Variants in BCOR observed in about 807,000 individuals in gnomAD.
BCOR encodes the protein BCL-6 corepressor.
BCOR carries 10 observed loss-of-function variants against 86.7 expected under a neutral mutation model. The ratio of observed to expected loss-of-function variants is 0.12; its 90% CI spans 0.07 to 0.20. The LOEUF (loss-of-function observed/expected upper bound fraction) is 0.20. Ranked by LOEUF, BCOR falls within the 10% of genes least tolerant of loss-of-function variation. The pLI is 1.00. For synonymous variants in BCOR, 611 were observed against 609.0 expected, an observed-to-expected ratio of 1.00 and a Z score of -0.05; for missense variants, 1,259 against 1,452.1, an observed-to-expected ratio of 0.87 and a Z score of 2.16.
At chrX:40,159,440 A>G (rs1419834935) in intron 1 of BCOR, among the ~76,000 whole-genome samples, 2 of 112,989 alleles carry the variant, frequency 1.8e-5, no homozygotes, top group Non-Finnish European at 3.8e-5. Flanking sequence ...TCTGGCTCCC[A>G]GGTTCACGCC....
At chrX:40,167,724 G>C (rs1938531981) in intron 1 of BCOR, among the ~76,000 whole-genome samples, 1 of 111,469 alleles carries the variant, frequency 9.0e-6, no homozygotes, top group Non-Finnish European at 1.9e-5. Context: ...TGGGCGCATT[G>C]TCTCTGCGGC....
chrX:40,102,245 C>G (rs1305830802), upstream of BCOR, among the ~76,000 whole-genome samples: 2 of 112,984 alleles, frequency 1.8e-5, no homozygotes, highest in Admixed American at 9.3e-5. Context: ...AGGGCAGCCT[C>G]TCCGTGGTTC....
At chrX:40,084,693 C>A (rs192905341) in intron 1 of BCOR, among the ~76,000 whole-genome samples, 17 of 105,056 alleles carry the variant, frequency 1.6e-4, no homozygotes, top group African/African-American at 6.5e-4. Flanking sequence ...ACACAAACGC[C>A]GTCGCCGCCA....
At chrX:40,144,418 C>A (rs1937995054) in intron 1 of BCOR, among the ~76,000 whole-genome samples, 1 of 111,590 alleles carries the variant, frequency 9.0e-6, no homozygotes, top group African/African-American at 3.3e-5. Context: ...AAATGACAAA[C>A]GCCAAAAAAC....
intron 1 of BCOR, among the ~76,000 whole-genome samples, chrX:40,145,871 G>C (rs369142588): frequency 8.9e-6 from 1 of 111,909 alleles, no homozygotes; most frequent in South Asian, 3.8e-4. Flanking sequence ...GAGCTTGGGA[G>C]ACCCCGGTGG....
At chrX:40,177,038 C>G (rs935678942) in exon 1 of BCOR, 2 of 107,796 alleles carry the variant, frequency 1.9e-5, no homozygotes, top group Non-Finnish European at 3.9e-5. Context: ...CTTCCACTGA[C>G]TCCAGCATTC....
chrX:40,166,689 T>C (rs1359914228), intron 1 of BCOR, among the ~76,000 whole-genome samples: 1 of 112,383 alleles, frequency 8.9e-6, no homozygotes, highest in Non-Finnish European at 1.9e-5. Context: ...AAGGCTTTTA[T>C]TGAAGCCTGT....
At chrX:40,098,210 G>A (rs1246145046), upstream of BCOR, among the ~76,000 whole-genome samples, 1 of 109,522 alleles carries the variant, frequency 9.1e-6, no homozygotes, top group African/African-American at 3.3e-5. Flanking sequence ...GGGGTTTCGG[G>A]AGGGGTGATT....
chrX:40,112,883 A>G (rs953937357), intron 1 of BCOR, among the ~76,000 whole-genome samples: 2 of 110,046 alleles, frequency 1.8e-5, no homozygotes, highest in African/African-American at 6.6e-5. Context: ...TCCCTTCCCC[A>G]TCACAGAAAA....
At chrX:40,079,629 G>A (rs1212612129) in intron 1 of BCOR, among the ~76,000 whole-genome samples, 2 of 112,162 alleles carry the variant, frequency 1.8e-5, no homozygotes, top group African/African-American at 6.5e-5. Context: ...GAGGCATCAG[G>A]CATGATGGGG....
chrX:40,134,215 G>A (rs781518035), intron 1 of BCOR, among the ~76,000 whole-genome samples: 3 of 108,654 alleles, frequency 2.8e-5, no homozygotes, highest in African/African-American at 1.0e-4. Flanking sequence ...CTCTGTGGCA[G>A]CTGTGGAACC....
At chrX:40,086,355 A>C (rs1936357365) in intron 1 of BCOR, among the ~76,000 whole-genome samples, 1 of 112,873 alleles carries the variant, frequency 8.9e-6, no homozygotes, top group Non-Finnish European at 1.9e-5. Context: ...AGTTATTTTC[A>C]CAAATCTTAA....
chrX:40,062,026 C>T, intron 10 of BCOR, 113 bp downstream of exon 10: 1 of 989,650 alleles, frequency 1.0e-6, no homozygotes, highest in East Asian at 3.4e-5. Context: ...ACCGGCCCAG[C>T]CCCGATGTGG....
chrX:40,108,454 C>T (rs749396640), intron 1 of BCOR, among the ~76,000 whole-genome samples: 15 of 113,648 alleles, frequency 1.3e-4, no homozygotes, highest in African/African-American at 4.8e-4. Flanking sequence ...GGGGAGGGAG[C>T]GGCGGCCAGA....
At chrX:40,064,134 C>A (rs934937187) in intron 7 of BCOR, among the ~76,000 whole-genome samples, 182 bp from the exon 8 acceptor site, 1 of 109,153 alleles carries the variant, frequency 9.2e-6, no homozygotes, top group Non-Finnish European at 1.9e-5. Context: ...GTGGGCGGCT[C>A]CCCCCGGGGG....
chrX:40,104,683 C>T (rs1201373625), intron 1 of BCOR, among the ~76,000 whole-genome samples: 1 of 112,504 alleles, frequency 8.9e-6, no homozygotes. Flanking sequence ...CGTCTCCAAG[C>T]CAGGCTGCAA....
At chrX:40,146,976 T>TGCGGGCCCGGGAGGAGGGG (rs1376097454) in intron 1 of BCOR, among the ~76,000 whole-genome samples, 8 of 111,465 alleles carry the variant, frequency 7.2e-5, no homozygotes, top group Non-Finnish European at 1.3e-4. Context: ...GCCGGCGGCG[T>TGCGGGCCCGGGAGGAGGGG]GCGGGCCCGG....
At chrX:40,122,614 C>T (rs762165249) in intron 1 of BCOR, among the ~76,000 whole-genome samples, 114 of 111,960 alleles carry the variant, frequency 1.0e-3, no homozygotes, top group African/African-American at 3.5e-3. Flanking sequence ...CTGAGGGACT[C>T]CACAAGTACT....
At chrX:40,077,785 G>C in intron 2 of BCOR, 59 bp downstream of exon 2, 1 of 1,088,137 alleles carries the variant, frequency 9.2e-7, no homozygotes, top group Admixed American at 2.2e-5. Context: ...GAGAAGTTGA[G>C]GGGGGCTTCA....
Sources: allele counts gnomAD v4.1 joint callset (sites outside exome capture counted in the v4.1 genomes callset), GRCh38; gene constraint gnomAD v4.1.1; transcripts MANE v1.5; gene names NCBI Gene and HGNC (gene_info 2026-07-23, HGNC 2026-07-21).